GALNT13: variants seen among roughly 807,000 people sequenced by gnomAD.
GALNT13 encodes polypeptide N-acetylgalactosaminyltransferase 13, also known as UDP-GalNAc:polypeptide N-acetylgalactosaminyltransferase 13.
Under a neutral mutation model 64.2 loss-of-function variants are expected in GALNT13, and 28 were observed. The ratio of observed to expected loss-of-function variants is 0.44; its 90% CI spans 0.32 to 0.60. GALNT13 has a LOEUF of 0.60. GALNT13 is among the 20% of genes least tolerant of loss of function. The pLI is 0.05. For synonymous variants in GALNT13, 214 were observed against 224.6 expected (o/e 0.95, Z 0.42); for missense variants, 577 against 669.8 (o/e 0.86, Z 1.53).
At chr2:153,808,217 T>TA in the GALNT13 span, among the ~76,000 whole-genome samples, 2 of 152,124 alleles carry the variant, frequency 1.3e-5, no homozygotes, top group Non-Finnish European at 2.9e-5. Flanking sequence ...TGAAACTACC[T>TA]AAAAAGTCAA....
chr2:153,450,141 T>C, the GALNT13 span, among the ~76,000 whole-genome samples: 1 of 152,176 alleles, frequency 6.6e-6, no homozygotes, highest in Admixed American at 6.6e-5. Flanking sequence ...GTTGGAGAGT[T>C]CATGTAACCA....
the GALNT13 span, among the ~76,000 whole-genome samples, chr2:153,198,106 G>A: frequency 6.6e-6 from 1 of 152,184 alleles, no homozygotes; most frequent in South Asian, 2.1e-4. Context: ...GGCTCTTAGT[G>A]AGCCTCCAGA....
At chr2:153,521,649 T>C in the GALNT13 span, among the ~76,000 whole-genome samples, 16 of 152,332 alleles carry the variant, frequency 1.1e-4, no homozygotes, top group South Asian at 3.3e-3. Context: ...TATAGTATCA[T>C]ACAGAGTATT....
rs151224290 is a variant in GALNT13 at position 153,923,681 on chromosome 2, C to T, written c.-104-20713C>T. On this transcript the variant is annotated intron_variant, in intron 2 of 12. Transcript: ENST00000392825. ...CATTAGGTATATCTCCTAATGCTAT[C>T]CCTTCCCCCTCCCCCGACCCCACAA... Among the ~76,000 whole-genome samples the T allele has an allele frequency of 3.9e-3, 576 of 148,194 alleles. 3 individuals carry two copies. Among genetic ancestry groups the T allele is most frequent in the African/African-American group, 0.014 (552 of 40,444 alleles).
At chr2:153,246,691 A>T in the GALNT13 span, among the ~76,000 whole-genome samples, 1 of 152,178 alleles carries the variant, frequency 6.6e-6, no homozygotes, top group Non-Finnish European at 1.5e-5. Flanking sequence ...CACTGCAAAA[A>T]CATCCCAAAA....
chr2:153,930,334 T>C (rs1310607761), intron 2 of GALNT13, among the ~76,000 whole-genome samples: 2 of 152,172 alleles, frequency 1.3e-5, no homozygotes, highest in Non-Finnish European at 2.9e-5. Flanking sequence ...TTTAATTTAA[T>C]TAAGTCCCAC....
At chr2:153,308,165 C>T in the GALNT13 span, among the ~76,000 whole-genome samples, 1 of 152,114 alleles carries the variant, frequency 6.6e-6, no homozygotes, top group Admixed American at 6.5e-5. Flanking sequence ...TGAGTACTGA[C>T]AAGTTCTTAA....
intron 3 of GALNT13, among the ~76,000 whole-genome samples, chr2:154,008,623 C>T (rs1696418470): frequency 6.6e-6 from 1 of 151,996 alleles, no homozygotes; most frequent in South Asian, 2.1e-4. Flanking sequence ...TCTATCTTTC[C>T]CTTCTTTGAG....
At chr2:153,343,305 A>G in the GALNT13 span, among the ~76,000 whole-genome samples, 3 of 152,208 alleles carry the variant, frequency 2.0e-5, no homozygotes, top group East Asian at 5.8e-4. Context: ...TGAGGTTTAT[A>G]AAACATTCTT....
At chr2:153,277,923 C>CTTT in the GALNT13 span, among the ~76,000 whole-genome samples, 1,417 of 78,778 alleles carry the variant, frequency 0.018, 91 homozygotes, top group Non-Finnish European at 0.024. Context: ...GTTTTCTTTT[C>CTTT]TTTCTTTTTT....
chr2:154,245,291 G>A (rs1480782725), intron 6 of GALNT13, among the ~76,000 whole-genome samples: 2 of 151,802 alleles, frequency 1.3e-5, no homozygotes, highest in South Asian at 2.1e-4. Context: ...TTATACTGAC[G>A]GATTATGATT....
At chr2:153,662,321 A>G in the GALNT13 span, among the ~76,000 whole-genome samples, 1 of 152,180 alleles carries the variant, frequency 6.6e-6, no homozygotes, top group Non-Finnish European at 1.5e-5. Flanking sequence ...AACTCAACCT[A>G]TCTTTCTGCC....
At chr2:153,889,691 A>G (rs1451875125) in intron 1 of GALNT13, among the ~76,000 whole-genome samples, 1 of 152,064 alleles carries the variant, frequency 6.6e-6, no homozygotes, top group Non-Finnish European at 1.5e-5. Context: ...ATTTTAATAT[A>G]GAAATGACTG....
At chr2:154,112,983 T>C (rs990284793) in intron 3 of GALNT13, among the ~76,000 whole-genome samples, 1 of 152,148 alleles carries the variant, frequency 6.6e-6, no homozygotes, top group Admixed American at 6.5e-5. Flanking sequence ...ACCACTTCTA[T>C]TTAATGATGG....
chr2:153,514,735 G>C, the GALNT13 span, among the ~76,000 whole-genome samples: 2 of 152,116 alleles, frequency 1.3e-5, no homozygotes, highest in East Asian at 3.9e-4. Flanking sequence ...GTGGGGATAA[G>C]GGACACTCAG....
chr2:154,389,599 AG>A (rs1406986407), intron 9 of GALNT13, among the ~76,000 whole-genome samples: 1 of 152,162 alleles, frequency 6.6e-6, no homozygotes, highest in Non-Finnish European at 1.5e-5. Context: ...GACATCTATT[AG>A]GGGAAGAATT....
At chr2:153,400,631 A>C in the GALNT13 span, among the ~76,000 whole-genome samples, 4,117 of 152,220 alleles carry the variant, frequency 0.027, 175 homozygotes, top group African/African-American at 0.092. Flanking sequence ...CAGAGATTCA[A>C]CTTCTTCCTG....
chr2:153,155,055 C>G, the GALNT13 span, among the ~76,000 whole-genome samples: 6 of 152,172 alleles, frequency 3.9e-5, no homozygotes, highest in South Asian at 2.1e-4. Flanking sequence ...GTTGAACCAA[C>G]CTTGCATCCT....
At chr2:153,948,344 C>T (rs1260323595) in intron 3 of GALNT13, among the ~76,000 whole-genome samples, 1 of 151,580 alleles carries the variant, frequency 6.6e-6, no homozygotes, top group Admixed American at 6.6e-5. Context: ...ACTAAAAAGT[C>T]AAAAAATAAC....
Sources: gnomAD v4.1 joint callset for allele counts (sites outside exome capture counted in the v4.1 genomes callset) on GRCh38, gnomAD v4.1.1 for gene constraint, MANE v1.5 for transcripts, NCBI Gene and HGNC (gene_info 2026-07-23, HGNC 2026-07-21) for gene names.